CRYL1: variants seen among roughly 807,000 people sequenced by gnomAD.
CRYL1 encodes the protein crystallin lambda 1.
Under a neutral mutation model 36.6 loss-of-function variants are expected in CRYL1, and 29 were observed. That is an observed-to-expected ratio of 0.79 (90% CI 0.59 to 1.08). The LOEUF is 1.08. Among genes scored for constraint, CRYL1 ranks in the 50% least tolerant of loss-of-function variants. The pLI is 0.00. For synonymous variants in CRYL1, 152 were observed against 151.5 expected (o/e 1.00, Z -0.02); for missense variants, 411 against 407.9 (o/e 1.01, Z -0.06).
intron 2 of CRYL1, among the ~76,000 whole-genome samples, chr13:20,494,177 A>G (rs2033564924): frequency 6.6e-6 from 1 of 152,224 alleles, no homozygotes; most frequent in Non-Finnish European, 1.5e-5. Flanking sequence ...CAACCAGAAG[A>G]AAAACATTCA....
At chr13:20,464,265 G>A (rs572785517) in intron 3 of CRYL1, among the ~76,000 whole-genome samples, 51 of 152,226 alleles carry the variant, frequency 3.4e-4, no homozygotes, top group Non-Finnish European at 6.3e-4. Flanking sequence ...ATGGTGGCAC[G>A]TGCCTGTAGT....
At chr13:20,503,020 G>T (rs897308659) in intron 2 of CRYL1, among the ~76,000 whole-genome samples, 1 of 152,104 alleles carries the variant, frequency 6.6e-6, no homozygotes, top group Non-Finnish European at 1.5e-5. Context: ...GGAAGCGCAC[G>T]GCCTCAGAAT....
intron 3 of CRYL1, among the ~76,000 whole-genome samples, chr13:20,473,305 C>T (rs891678571): frequency 2.6e-5 from 4 of 152,216 alleles, no homozygotes; most frequent in Non-Finnish European, 4.4e-5. Context: ...GTGGCCGGAG[C>T]GTCGGACTTT....
At chr13:20,516,123 G>A (rs1411481061) in intron 1 of CRYL1, among the ~76,000 whole-genome samples, 1 of 149,388 alleles carries the variant, frequency 6.7e-6, no homozygotes, top group Non-Finnish European at 1.5e-5. Flanking sequence ...CCGGTGGGGA[G>A]GAGGTTGCGG....
intron 6 of CRYL1, among the ~76,000 whole-genome samples, chr13:20,412,563 CT>C (rs1213378628): frequency 2.6e-5 from 4 of 152,152 alleles, no homozygotes; most frequent in African/African-American, 7.2e-5. Context: ...TAAAATTTTA[CT>C]TTGTTTTAAT....
In CRYL1 at chr13:20,425,233, A is replaced by G. The variant is rs963697478; in HGVS notation, c.633+6869T>C. ...GCTCCGCACAGGCTTCCTCTTGTCA[A>G]GCTCTGCTGCTTCCAGCCACAAGAC... On this transcript the variant is annotated intron_variant, in intron 5 of 7. Coordinates refer to ENST00000298248, the MANE Select transcript of CRYL1 (RefSeq NM_015974.3). This position sits in a 1 kb window ranked among gnomAD's most constrained non-coding sequence, Gnocchi z 4.4. Among the ~76,000 whole-genome samples the G allele has an allele frequency of 6.6e-6, 1 of 152,162 alleles. No homozygotes were observed. The highest frequency in any genetic ancestry group is 1.5e-5 in the Non-Finnish European group (1 of 68,014).
At chr13:20,469,019 C>T (rs148351741) in intron 3 of CRYL1, among the ~76,000 whole-genome samples, 17 of 152,254 alleles carry the variant, frequency 1.1e-4, no homozygotes, top group African/African-American at 3.9e-4. Context: ...CGTCAAGCTC[C>T]GCTCCCCTGG....
intron 6 of CRYL1, among the ~76,000 whole-genome samples, chr13:20,409,026 G>A (rs1478023892): frequency 1.3e-5 from 2 of 152,122 alleles, no homozygotes; most frequent in African/African-American, 4.8e-5. Context: ...AACCAAAACA[G>A]AGCCCGCATC....
intron 5 of CRYL1, among the ~76,000 whole-genome samples, chr13:20,422,687 C>T (rs866774150): frequency 1.3e-5 from 2 of 152,212 alleles, no homozygotes; most frequent in African/African-American, 2.4e-5. Context: ...AGCCACCAGC[C>T]TTTCTGGAAA....
At chr13:20,474,709 C>T (rs961071398) in intron 3 of CRYL1, among the ~76,000 whole-genome samples, 10 of 152,150 alleles carry the variant, frequency 6.6e-5, no homozygotes, top group African/African-American at 2.2e-4. Context: ...CCTGGCTCAG[C>T]TGTGTCCAGG....
At chr13:20,423,953 T>C (rs770711321) in intron 5 of CRYL1, among the ~76,000 whole-genome samples, 3 of 151,940 alleles carry the variant, frequency 2.0e-5, no homozygotes, top group African/African-American at 4.8e-5. Context: ...GTATTTTTAA[T>C]AGAGACGGGG....
chr13:20,498,230 C>G (rs1302132139), intron 2 of CRYL1, among the ~76,000 whole-genome samples: 8 of 150,348 alleles, frequency 5.3e-5, no homozygotes, highest in African/African-American at 1.7e-4. Context: ...CATATACACA[C>G]TACATACATG....
At chr13:20,507,926 A>AC (rs2033832640) in intron 2 of CRYL1, among the ~76,000 whole-genome samples, 1 of 150,696 alleles carries the variant, frequency 6.6e-6, no homozygotes, top group Non-Finnish European at 1.5e-5. Context: ...TCTCAAAAAA[A>AC]AAAAGAAAAA....
intron 2 of CRYL1, among the ~76,000 whole-genome samples, chr13:20,499,337 C>T (rs1463829080): frequency 5.3e-4 from 69 of 131,292 alleles, no homozygotes; most frequent in African/African-American, 1.8e-3. Context: ...CAGAGTGAGA[C>T]CCTGTCTCAA....
chr13:20,486,161 C>A (rs191268448), intron 3 of CRYL1, among the ~76,000 whole-genome samples: 1 of 152,142 alleles, frequency 6.6e-6, no homozygotes, highest in Non-Finnish European at 1.5e-5. Context: ...CTCGAGCAAT[C>A]CGCCACCCTC....
chr13:20,471,587 AG>A (rs1402512612), intron 3 of CRYL1, among the ~76,000 whole-genome samples: 1 of 152,018 alleles, frequency 6.6e-6, no homozygotes, highest in Non-Finnish European at 1.5e-5. Context: ...CCTGGGCGAC[AG>A]AGCGAGACTC....
chr13:20,417,298 A>G (rs563647322), intron 5 of CRYL1, among the ~76,000 whole-genome samples: 2 of 152,328 alleles, frequency 1.3e-5, no homozygotes, highest in Admixed American at 6.5e-5. Context: ...AATGACAAAT[A>G]ATCATTTGTC....
At chr13:20,427,844 C>T (rs1474135959) in intron 5 of CRYL1, among the ~76,000 whole-genome samples, 1 of 151,406 alleles carries the variant, frequency 6.6e-6, no homozygotes, top group Non-Finnish European at 1.5e-5. Context: ...GATATCACTA[C>T]AGACCCTGCA....
intron 1 of CRYL1, among the ~76,000 whole-genome samples, chr13:20,524,013 A>G (rs1434623411): frequency 1.3e-5 from 2 of 152,158 alleles, no homozygotes; most frequent in African/African-American, 4.8e-5. Context: ...TAACCCCAAC[A>G]CTTTGGGAGG....
Sources: gnomAD v4.1 joint callset for allele counts (sites outside exome capture counted in the v4.1 genomes callset) on GRCh38, gnomAD v4.1.1 for gene constraint, Gnocchi (gnomAD v3.1) non-coding constraint, MANE v1.5 for transcripts, NCBI Gene and HGNC (gene_info 2026-07-23, HGNC 2026-07-21) for gene names.